The following CADPS2 variants were observed in gnomAD, a reference collection of about 807,000 sequenced individuals.
CADPS2 encodes calcium-dependent secretion activator 2.
Under a neutral mutation model 172.5 loss-of-function variants are expected in CADPS2, and 93 were observed. That is an observed-to-expected ratio of 0.54 (90% CI 0.46 to 0.64). The LOEUF (loss-of-function observed/expected upper bound fraction) is 0.64, where lower values mean the gene tolerates loss of function less well. Ranked by LOEUF, CADPS2 falls within the 30% of genes least tolerant of loss-of-function variation. CADPS2 has a pLI of 0.00. For missense variants in CADPS2, 1,420 were observed against 1,565.9 expected (o/e 0.91, Z 1.57); for synonymous variants, 546 against 555.2 (o/e 0.98, Z 0.23).
intron 5 of CADPS2, among the ~76,000 whole-genome samples, chr7:122,620,412 G>T (rs960761609): frequency 3.9e-5 from 6 of 152,108 alleles, no homozygotes; most frequent in African/African-American, 1.2e-4. Flanking sequence ...AGGAACTAAA[G>T]ATGTCAGGTG....
chr7:122,574,137 G>GT (rs2132610989), intron 7 of CADPS2, among the ~76,000 whole-genome samples: 1 of 151,944 alleles, frequency 6.6e-6, no homozygotes, highest in East Asian at 1.9e-4. Context: ...GTAAACTCAT[G>GT]TTTTAAAAAA....
At chr7:122,842,427 C>T (rs1307909304) in intron 1 of CADPS2, among the ~76,000 whole-genome samples, 1 of 152,188 alleles carries the variant, frequency 6.6e-6, no homozygotes. Context: ...CCAGTTTCAA[C>T]CCTGCCCTGA....
At chr7:122,857,480 G>A (rs1017169729) in intron 1 of CADPS2, among the ~76,000 whole-genome samples, 1 of 152,150 alleles carries the variant, frequency 6.6e-6, no homozygotes, top group African/African-American at 2.4e-5. Context: ...TTGGGGAAAG[G>A]AGTGGGAAGC....
At chr7:122,508,347 G>C (rs1195520892) in intron 9 of CADPS2, among the ~76,000 whole-genome samples, 2 of 149,146 alleles carry the variant, frequency 1.3e-5, no homozygotes, top group Non-Finnish European at 3.0e-5. Flanking sequence ...CACATTCAAA[G>C]TGTCATTGTT....
At position 122,825,659 on chromosome 7, in the gene CADPS2, T is replaced by A. The variant is rs144387811; in HGVS notation, c.339+60340A>T. Among the ~76,000 whole-genome samples, 484 of 152,324 alleles carry A rather than the reference T, an allele frequency of 3.2e-3. 2 individuals carry two copies. Among genetic ancestry groups the A allele is most frequent in the African/African-American group, 0.011 (465 of 41,572 alleles). The stretch of plus-strand genomic sequence containing the variant: ...TCTGAAAACAAACATTTTTCCTTAA[T>A]TTTTATCTTTACATTCTTTAACTTT... On this transcript the variant is annotated intron_variant, in intron 1 of 29. Transcript: ENST00000449022.
At chr7:122,398,551 A>G (rs2045470577) in intron 20 of CADPS2, among the ~76,000 whole-genome samples, 1 of 152,196 alleles carries the variant, frequency 6.6e-6, no homozygotes, top group Non-Finnish European at 1.5e-5. Context: ...TTAAGAGACT[A>G]AAAATTATAT....
At chr7:122,321,570 C>A (rs1476024837) in intron 29 of CADPS2, among the ~76,000 whole-genome samples, 1 of 152,188 alleles carries the variant, frequency 6.6e-6, no homozygotes, top group Non-Finnish European at 1.5e-5. Context: ...CTCACAGCAG[C>A]CTTCGCCTCC....
chr7:122,792,973 A>G (rs1300331963), intron 1 of CADPS2, among the ~76,000 whole-genome samples: 1 of 152,194 alleles, frequency 6.6e-6, no homozygotes, highest in East Asian at 1.9e-4. Context: ...TCTTTGTTCA[A>G]AGAGTCCTGA....
chr7:122,684,781 T>C (rs545436693), intron 2 of CADPS2, among the ~76,000 whole-genome samples: 1 of 152,196 alleles, frequency 6.6e-6, no homozygotes, highest in African/African-American at 2.4e-5. Context: ...AGAGAATGAG[T>C]TGCTACCCTC....
At chr7:122,789,267 T>C (rs1273168237) in intron 1 of CADPS2, among the ~76,000 whole-genome samples, 1 of 152,102 alleles carries the variant, frequency 6.6e-6, no homozygotes, top group Non-Finnish European at 1.5e-5. Flanking sequence ...GGGCTCAGTG[T>C]TTTTATACTC....
At chr7:122,827,641 A>T in intron 1 of CADPS2, among the ~76,000 whole-genome samples, 1 of 151,864 alleles carries the variant, frequency 6.6e-6, no homozygotes. Flanking sequence ...TCAAAAAAAA[A>T]AAAGAAATGA....
chr7:122,610,730 A>T (rs2074192030), intron 6 of CADPS2, among the ~76,000 whole-genome samples: 1 of 152,128 alleles, frequency 6.6e-6, no homozygotes, highest in African/African-American at 2.4e-5. Context: ...GGGAAAAAAA[A>T]CCATGGCATT....
intron 2 of CADPS2, among the ~76,000 whole-genome samples, chr7:122,704,394 T>G (rs1279903479): frequency 1.3e-5 from 2 of 151,978 alleles, no homozygotes; most frequent in African/African-American, 4.8e-5. Flanking sequence ...TCCTGGCTGA[T>G]TCTATTAACA....
intron 25 of CADPS2, chr7:122,368,302 C>G (rs1255761832): frequency 6.6e-6 from 1 of 152,348 alleles, no homozygotes; most frequent in Non-Finnish European, 1.5e-5. Context: ...ATGGAGGGAC[C>G]CACAGGCTGG....
intron 5 of CADPS2, among the ~76,000 whole-genome samples, chr7:122,616,005 G>A (rs1370174275): frequency 6.6e-6 from 1 of 151,976 alleles, no homozygotes; most frequent in Non-Finnish European, 1.5e-5. Flanking sequence ...TGGGAGAAAG[G>A]ACAACATATA....
intron 2 of CADPS2, among the ~76,000 whole-genome samples, chr7:122,716,538 G>A (rs1033830138): frequency 2.0e-5 from 3 of 152,122 alleles, no homozygotes; most frequent in African/African-American, 7.2e-5. Context: ...GTAGGGTCGG[G>A]GGAGCGGGGA....
intron 20 of CADPS2, among the ~76,000 whole-genome samples, chr7:122,404,098 C>T (rs989905541): frequency 1.1e-4 from 16 of 152,148 alleles, no homozygotes; most frequent in African/African-American, 3.6e-4. Flanking sequence ...CCCATTAACT[C>T]GTCATTTAAC....
chr7:122,618,886 T>A (rs887596839), intron 5 of CADPS2, among the ~76,000 whole-genome samples: 5 of 152,208 alleles, frequency 3.3e-5, no homozygotes, highest in Admixed American at 2.6e-4. Context: ...AACTCCTGCT[T>A]AAAATACTGT....
chr7:122,831,805 T>C (rs1806645730), intron 1 of CADPS2, among the ~76,000 whole-genome samples: 2 of 152,136 alleles, frequency 1.3e-5, no homozygotes, highest in Non-Finnish European at 2.9e-5. Flanking sequence ...CTCTCAAATA[T>C]AACAATGAAA....
Sources: allele counts gnomAD v4.1 joint callset (sites outside exome capture counted in the v4.1 genomes callset), GRCh38; gene constraint gnomAD v4.1.1; transcripts MANE v1.5; gene names NCBI Gene and HGNC (gene_info 2026-07-23, HGNC 2026-07-21).